The following MAEL variants were observed in gnomAD, a reference collection of about 807,000 sequenced individuals.
The protein encoded by MAEL is maelstrom spermatogenic transposon silencer.
Under a neutral mutation model 62.0 loss-of-function variants are expected in MAEL, and 46 were observed. The ratio of observed to expected loss-of-function variants is 0.74; its 90% CI spans 0.59 to 0.95. The LOEUF (loss-of-function observed/expected upper bound fraction) is 0.95. Ranked by LOEUF, MAEL falls within the 40% of genes least tolerant of loss-of-function variation. MAEL has a pLI of 0.00. For synonymous variants in MAEL, 172 were observed against 175.5 expected (o/e 0.98, Z 0.16); for missense variants, 497 against 526.8 (o/e 0.94, Z 0.55).
intron 5 of MAEL, among the ~76,000 whole-genome samples, chr1:166,995,683 A>AT (rs201986338): frequency 0.012 from 1,805 of 151,864 alleles, 40 homozygotes; most frequent in African/African-American, 0.038. Context: ...AGTTAAAAAA[A>AT]AAAAATAAAA....
At chr1:167,004,058 G>T in intron 5 of MAEL, 122 bp from the exon 6 acceptor site, 1 of 775,838 alleles carries the variant, frequency 1.3e-6, no homozygotes, top group Non-Finnish European at 2.0e-6. Context: ...CAAAAACGGG[G>T]CTTTGTACAA....
In MAEL at chr1:166,991,381, C is replaced by G; in HGVS notation, c.229C>G (p.Pro77Ala). Reference sequence around the variant, plus strand: ...CAATCATTCTCTTCCTCTTTAGAAACCTGTTTTCACACCACTGAGGAGGCC... The same window carrying G: ...CAATCATTCTCTTCCTCTTTAGAAAGCTGTTTTCACACCACTGAGGAGGCC... ...KDPGPSEKQK[P>A]VFTPLRRPGM... The change falls in exon 3 of 12, where the codon CCT (proline) becomes GCT (alanine). Residue 77 changes from proline (P) to alanine (A), a missense_variant. Coordinates refer to ENST00000367872, the MANE Select transcript of MAEL (RefSeq NM_032858.3). 2 of 1,605,970 alleles carry G rather than the reference C, an allele frequency of 1.2e-6. No homozygotes were observed. The highest frequency in any genetic ancestry group is 1.7e-6 in the Non-Finnish European group (2 of 1,172,788).
chr1:166,984,811 A>G (rs1301425957), upstream of MAEL, among the ~76,000 whole-genome samples: 4 of 152,214 alleles, frequency 2.6e-5, no homozygotes, highest in South Asian at 2.1e-4. Flanking sequence ...TCTTCTTTCA[A>G]TTCTTCACAT....
intron 8 of MAEL, among the ~76,000 whole-genome samples, chr1:167,007,326 G>A (rs1664956659): frequency 6.6e-6 from 1 of 151,994 alleles, no homozygotes; most frequent in Non-Finnish European, 1.5e-5. Context: ...TTGCTTCATT[G>A]CTTTCTATCT....
intron 8 of MAEL, among the ~76,000 whole-genome samples, chr1:167,009,972 T>C (rs1016073020): frequency 7.2e-5 from 11 of 152,344 alleles, no homozygotes; most frequent in African/African-American, 2.6e-4. Flanking sequence ...GGATATTTAA[T>C]TTAACATGGA....
At chr1:167,018,536 A>T (rs1488183163) in intron 10 of MAEL, among the ~76,000 whole-genome samples, 1 of 152,140 alleles carries the variant, frequency 6.6e-6, no homozygotes, top group Non-Finnish European at 1.5e-5. Flanking sequence ...AAACAAGAAC[A>T]ATAATAGGGG....
intron 5 of MAEL, among the ~76,000 whole-genome samples, chr1:166,998,086 T>A (rs1664504146): frequency 6.6e-6 from 1 of 152,186 alleles, no homozygotes; most frequent in Non-Finnish European, 1.5e-5. Context: ...TTAAACACAG[T>A]AGTTTGATGA....
At chr1:167,001,639 G>C (rs902872849) in intron 5 of MAEL, among the ~76,000 whole-genome samples, 3 of 152,114 alleles carry the variant, frequency 2.0e-5, no homozygotes, top group African/African-American at 7.2e-5. Context: ...TTCAATACTT[G>C]CTTTAGTGTG....
intron 1 of MAEL, among the ~76,000 whole-genome samples, chr1:166,977,760 T>C (rs1663636698): frequency 6.6e-6 from 1 of 151,884 alleles, no homozygotes; most frequent in Non-Finnish European, 1.5e-5. Context: ...TTGACCAGCC[T>C]GAGTAACATG....
chr1:167,016,786 G>C (rs963456549), intron 9 of MAEL, among the ~76,000 whole-genome samples: 6 of 152,098 alleles, frequency 3.9e-5, no homozygotes, highest in African/African-American at 1.4e-4. Context: ...ATACACAATA[G>C]AGTACTATTC....
intron 3 of MAEL, 34 bp downstream of exon 3, chr1:166,991,511 A>G: frequency 7.7e-7 from 1 of 1,294,084 alleles, no homozygotes; most frequent in East Asian, 2.3e-5. Flanking sequence ...GCTGAGATAA[A>G]TTTGAGTGCC....
intron 8 of MAEL, among the ~76,000 whole-genome samples, chr1:167,012,737 A>T (rs1404223568): frequency 6.6e-6 from 1 of 152,230 alleles, no homozygotes; most frequent in East Asian, 1.9e-4. Context: ...TGGGAGAAAG[A>T]TGCAGCCATG....
At chr1:167,006,903 T>C (rs951507091) in intron 8 of MAEL, among the ~76,000 whole-genome samples, 10 of 151,994 alleles carry the variant, frequency 6.6e-5, no homozygotes, top group Admixed American at 1.3e-4. Context: ...CCCAAAGTGC[T>C]GGGATTACAT....
chr1:166,997,735 G>T (rs565084549), intron 5 of MAEL, among the ~76,000 whole-genome samples: 1 of 152,156 alleles, frequency 6.6e-6, no homozygotes, highest in South Asian at 2.1e-4. Flanking sequence ...TAAATGTGTC[G>T]ATATTTTTTA....
intron 5 of MAEL, among the ~76,000 whole-genome samples, chr1:167,000,185 C>G (rs77869009): frequency 0.011 from 1,738 of 152,200 alleles, 18 homozygotes; most frequent in Non-Finnish European, 0.017. Context: ...GGTGATTCTT[C>G]TTATGAATCT....
intron 3 of MAEL, among the ~76,000 whole-genome samples, chr1:166,992,028 G>T (rs576066576): frequency 6.6e-6 from 1 of 152,220 alleles, no homozygotes; most frequent in African/African-American, 2.4e-5. Context: ...ATCCTGGGTG[G>T]TGGAGGGGGC....
At chr1:167,011,002 C>CT (rs898896868) in intron 8 of MAEL, among the ~76,000 whole-genome samples, 26 of 148,686 alleles carry the variant, frequency 1.7e-4, no homozygotes, top group East Asian at 7.8e-4. Context: ...TCCCCCTTTG[C>CT]TTTTTTTTTT....
chr1:166,995,189 G>A (rs1664368615), intron 5 of MAEL, among the ~76,000 whole-genome samples: 1 of 151,858 alleles, frequency 6.6e-6, no homozygotes, highest in Admixed American at 6.6e-5. Flanking sequence ...CTGGAATCAG[G>A]GCTGTAGGCT....
intron 10 of MAEL, 135 bp downstream of exon 10, chr1:167,018,094 G>A (rs1329403329): frequency 1.3e-6 from 1 of 745,258 alleles, no homozygotes; most frequent in Non-Finnish European, 2.0e-6. Context: ...AGTACTTCAT[G>A]GAATGTCAAA....
Sources: allele counts gnomAD v4.1 joint callset (sites outside exome capture counted in the v4.1 genomes callset), GRCh38; gene constraint gnomAD v4.1.1; transcripts MANE v1.5; gene names NCBI Gene and HGNC (gene_info 2026-07-23, HGNC 2026-07-21).